Variants in KLF13 observed in about 807,000 individuals in gnomAD.
KLF13 encodes Krueppel-like factor 13.
In KLF13, 8 loss-of-function variants were observed where a neutral mutation model predicts 16.7. The ratio of observed to expected loss-of-function variants is 0.48; its 90% CI spans 0.28 to 0.87. The LOEUF (loss-of-function observed/expected upper bound fraction) is 0.87. Ranked by LOEUF, KLF13 falls within the 40% of genes least tolerant of loss-of-function variation. KLF13 has a pLI of 0.10. For synonymous variants in KLF13, 245 were observed against 208.4 expected (o/e 1.18, Z -1.51); for missense variants, 447 against 452.2 (o/e 0.99, Z 0.10).
At chr15:31,423,139 G>GTATATATACGTATATATATATACGTATA (rs1491468052) in intron 1 of KLF13, among the ~76,000 whole-genome samples, 1 of 15,156 alleles carries the variant, frequency 6.6e-5, no homozygotes, top group Admixed American at 4.5e-4. Flanking sequence ...ATACGTATAC[G>GTATATATACGTATATATATATACGTATA]TATACGTATA....
intron 1 of KLF13, among the ~76,000 whole-genome samples, chr15:31,329,228 G>T (rs1442461729): frequency 6.6e-6 from 1 of 151,512 alleles, no homozygotes; most frequent in Non-Finnish European, 1.5e-5. Flanking sequence ...AGTCAGTGTG[G>T]GCTCAGAGTT....
intron 1 of KLF13, among the ~76,000 whole-genome samples, chr15:31,354,289 G>A (rs1170107993): frequency 6.6e-6 from 1 of 152,264 alleles, no homozygotes. Flanking sequence ...GGGAGAGCCA[G>A]AGGAGGGATG....
rs538053589 is a variant in KLF13, at chr15:31,364,119, G to T, written c.578-7891G>T. ...TTACGAAACTGTGTTGAATCCTGGT[G>T]GTCTCGTTTCCCCCACGTCATTGTT... On this transcript the variant is annotated intron_variant, in intron 1 of 1. Transcript: ENST00000307145. Among the ~76,000 whole-genome samples the T allele has an allele frequency of 9.5e-5, 14 of 146,754 alleles. No homozygotes were observed. The South Asian group carries it at 3.2e-3, about 33-fold the overall frequency.
chr15:31,391,077 A>G, upstream of KLF13, among the ~76,000 whole-genome samples: 1 of 59,766 alleles, frequency 1.7e-5, no homozygotes, highest in South Asian at 7.2e-4. Context: ...GGCTGTGGGG[A>G]CTATGGCGGG....
At chr15:31,429,783 GAGTGC>G (rs1277013191) in intron 1 of KLF13, among the ~76,000 whole-genome samples, 1 of 151,192 alleles carries the variant, frequency 6.6e-6, no homozygotes, top group Non-Finnish European at 1.5e-5. Context: ...ATCCAGGCTG[GAGTGC>G]AGTGGCGCAA....
chr15:31,360,805 T>C (rs2039371490), intron 1 of KLF13, among the ~76,000 whole-genome samples: 1 of 152,248 alleles, frequency 6.6e-6, no homozygotes. Flanking sequence ...GTATTTACTT[T>C]GTGAAACCAA....
chr15:31,351,586 A>T (rs1329768648), intron 1 of KLF13, among the ~76,000 whole-genome samples: 2 of 152,284 alleles, frequency 1.3e-5, no homozygotes, highest in East Asian at 3.9e-4. Flanking sequence ...CCTGCAAAGG[A>T]ATGTGCATTT....
chr15:31,361,460 C>T lies in KLF13; in HGVS notation c.578-10550C>T, dbSNP rs1167025270. ...GCAGGCCAAAAGTAAAAGCTGCACC[C>T]CTGTAAAGAGTGTACATGCAGCTGT... On this transcript the variant is annotated intron_variant, in intron 1 of 1. Transcript: ENST00000307145. Among the ~76,000 whole-genome samples the T allele has an allele frequency of 3.3e-5, 5 of 152,246 alleles. No individual in the cohort carries two copies. The South Asian group carries it at 8.3e-4, about 25-fold the overall frequency.
intron 2 of KLF13, among the ~76,000 whole-genome samples, chr15:31,401,220 G>C (rs546822358): frequency 6.6e-6 from 1 of 152,240 alleles, no homozygotes; most frequent in African/African-American, 2.4e-5. Context: ...GGCTGGTCTC[G>C]AACTCCTGAC....
rs557523279 is a variant in KLF13 at position 31,332,510 on chromosome 15, C to T, written c.577+4721C>T. ...GGTGTGGCGCCATCTCCACTCCCCC[C>T]TTCCCCCTCGCTGAAAGAAGGCTGG... On this transcript the variant is annotated intron_variant, in intron 1 of 1. Transcript: ENST00000307145. 2.0e-5 allele frequency among the ~76,000 whole-genome samples: 3 copies of T among 152,320 alleles called. No homozygotes were observed. In the South Asian group the frequency reaches 6.2e-4, roughly 32 times the overall value.
Position 31,332,966 on chromosome 15 carries a change from A to G in KLF13, c.577+5177A>G, listed in dbSNP as rs184505631. 3.1e-3 allele frequency among the ~76,000 whole-genome samples: 468 copies of G among 152,064 alleles called. 10 individuals carry two copies. Among genetic ancestry groups the G allele is most frequent in the Non-Finnish European group, 6.9e-4 (47 of 67,990 alleles). On this transcript the variant is annotated intron_variant, in intron 1 of 1. Transcript: ENST00000307145. ...CATGAGAGACCCTGGAATAATGAAC[A>G]CTCTAGCAGGGATCTTGAGATACCA...
At chr15:31,347,315 G>A (rs958739906) in intron 1 of KLF13, among the ~76,000 whole-genome samples, 79 of 152,182 alleles carry the variant, frequency 5.2e-4, no homozygotes, top group Non-Finnish European at 9.6e-4. Context: ...CTTGGTGCTC[G>A]TGGTGGGGAA....
At chr15:31,369,078 C>T (rs1183743705) in intron 1 of KLF13, among the ~76,000 whole-genome samples, 1 of 152,186 alleles carries the variant, frequency 6.6e-6, no homozygotes, top group African/African-American at 2.4e-5. Context: ...CCTATCCCTC[C>T]CCTCCAACTC....
In KLF13 at chr15:31,377,177, G is replaced by GA. The variant is rs1333319560; in HGVS notation, c.*4879dup. On this transcript the variant is annotated 3_prime_UTR_variant, in exon 2 of 2. Transcript: ENST00000307145. ...AGGAGCCCTTGTACCTGGCTGCCCT[G>GA]AGAGGAGCAAGAGGCCACCTCCCAT... is the stretch of plus-strand genomic sequence containing the variant. 1 of 152,582 alleles carries GA rather than the reference G, an allele frequency of 6.6e-6. No individual in the cohort carries two copies. The allele number at this position is 152,582 out of a possible 1,614,324, so 9.5% of individuals were successfully genotyped here.
At chr15:31,420,487 C>A in intron 1 of KLF13, 1 of 707,156 alleles carries the variant, frequency 1.4e-6, no homozygotes. Flanking sequence ...TCTGGAAAGA[C>A]AAGTCGTCTG....
chr15:31,338,028 C>T (rs2038959314), intron 1 of KLF13, among the ~76,000 whole-genome samples: 1 of 152,202 alleles, frequency 6.6e-6, no homozygotes, highest in African/African-American at 2.4e-5. Context: ...TCCTGAATTA[C>T]TGTCAGGCTT....
chr15:31,385,069 T>G (rs2039778591), intron 1 of KLF13, among the ~76,000 whole-genome samples: 1 of 152,116 alleles, frequency 6.6e-6, no homozygotes, highest in Non-Finnish European at 1.5e-5. Flanking sequence ...AGAGGGATGA[T>G]CTCTCTCTCA....
At position 31,350,191 on chromosome 15, in the gene KLF13, C is replaced by T. The variant is rs80154974; in HGVS notation, c.578-21819C>T. ...AGGGCAGGAAGCAGCCAGGGTCTGCCGCAGTTATGGTAGGATATTGGGCAT... is the reference window on the plus strand; with the variant it reads ...AGGGCAGGAAGCAGCCAGGGTCTGCTGCAGTTATGGTAGGATATTGGGCAT... On this transcript the variant is annotated intron_variant, in intron 1 of 1. Coordinates refer to ENST00000307145, the MANE Select transcript of KLF13 (RefSeq NM_015995.4). 3.4e-3 allele frequency among the ~76,000 whole-genome samples: 523 copies of T among 152,250 alleles called. 2 individuals carry two copies. The highest frequency in any genetic ancestry group is 0.012 in the African/African-American group (497 of 41,554).
intron 1 of KLF13, among the ~76,000 whole-genome samples, chr15:31,427,473 T>C (rs2040413678): frequency 6.6e-6 from 1 of 152,102 alleles, no homozygotes; most frequent in Non-Finnish European, 1.5e-5. Flanking sequence ...TGAGTATAGA[T>C]TCAAAATTGA....
Sources: gnomAD v4.1 joint callset for allele counts (sites outside exome capture counted in the v4.1 genomes callset) on GRCh38, gnomAD v4.1.1 for gene constraint, MANE v1.5 for transcripts, NCBI Gene and HGNC (gene_info 2026-07-23, HGNC 2026-07-21) for gene names.